Variants in PRAMEF12 observed in about 807,000 individuals in gnomAD.
The protein encoded by PRAMEF12 is PRAME family member 12.
Under a neutral mutation model 24.6 loss-of-function variants are expected in PRAMEF12, and 24 were observed. That is an observed-to-expected ratio of 0.98 (90% CI 0.71 to 1.37). The LOEUF is 1.37. PRAMEF12 is among the 40% of genes most tolerant of loss of function. PRAMEF12 has a pLI of 0.00. For synonymous variants in PRAMEF12, 286 were observed against 242.6 expected, an observed-to-expected ratio of 1.18 and a Z score of -1.66; for missense variants, 646 against 580.3, an observed-to-expected ratio of 1.11 and a Z score of -1.16.
In PRAMEF12 at chr1:12,774,219, A is replaced by G. The variant is rs1405571974; in HGVS notation, c.-649A>G. ...AAAGATATTCCATAGGCCATTCTCA[A>G]GAGTGGAGTCTTTGTTCTGAACATG... is the stretch of plus-strand genomic sequence containing the variant. On this transcript the variant is annotated 5_prime_UTR_variant, in exon 1 of 3. Transcript: ENST00000357726. Among the ~76,000 whole-genome samples, 1 of 152,128 alleles carries G rather than the reference A, an allele frequency of 6.6e-6. No individual in the cohort carries two copies. Among genetic ancestry groups the G allele is most frequent in the Non-Finnish European group, 1.5e-5 (1 of 68,032 alleles).
rs1402352855 is a variant in PRAMEF12 at position 12,774,431 on chromosome 1, T to A, written c.-437T>A. On this transcript the variant is annotated 5_prime_UTR_variant, in exon 1 of 3. Transcript: ENST00000357726. ...TTTTCAAAATAAAAAATAATGGCGC[T>A]GATTCCAAGGAGTCCCTTTAGTCTT... is the stretch of plus-strand genomic sequence containing the variant. Among the ~76,000 whole-genome samples the A allele has an allele frequency of 6.6e-6, 1 of 152,242 alleles. No individual in the cohort carries two copies. Among genetic ancestry groups the A allele is most frequent in the African/African-American group, 2.4e-5 (1 of 41,460 alleles).
At position 12,775,523 on chromosome 1, in the gene PRAMEF12, C is replaced by T; in HGVS notation, c.288-20C>T. The T allele has an allele frequency of 6.3e-7, 1 of 1,587,532 alleles. No homozygotes were observed. Among genetic ancestry groups the T allele is most frequent in the South Asian group, 1.1e-5 (1 of 87,874 alleles). On this transcript the variant is annotated intron_variant, in intron 1 of 2. Transcript: ENST00000357726. ...CAAATCCTTCCTAAATTTGGAGCCT[C>T]TCTTCTCTTTTACCCACAGGCGGTG...
rs1218096962 is a variant in PRAMEF12, at chr1:12,775,799, G to C, written c.544G>C (p.Glu182Gln). The change falls in exon 2 of 3, where the codon GAG (glutamate) becomes CAG (glutamine). Residue 182 changes from glutamate (E) to glutamine (Q), a missense_variant. Transcript: ENST00000357726. ...RKGLLHVCCK[E>Q]LQIFGIAIHR... is the part of the protein sequence containing the mutation. ...AGGCTTACTGCACGTGTGTTGCAAG[G>C]AGCTGCAGATTTTTGGAATAGCCAT... 1 of 1,613,912 alleles carries C rather than the reference G, an allele frequency of 6.2e-7. No homozygotes were observed. Among genetic ancestry groups the C allele is most frequent in the Non-Finnish European group, 8.5e-7 (1 of 1,180,014 alleles).
Position 12,774,844 on chromosome 1 carries a change from G to GT in PRAMEF12, c.-17dup, listed in dbSNP as rs557676803. ...TGATGTGATTTGCCGTAAGAATGAT[G>GT]TTTTTTTCTCTAGATTCATCAGGAT... On this transcript the variant is annotated 5_prime_UTR_variant, in exon 1 of 3. Coordinates refer to ENST00000357726, the MANE Select transcript of PRAMEF12 (RefSeq NM_001080830.5). The GT allele has an allele frequency of 4.4e-3, 6,877 of 1,561,376 alleles. 19 individuals are homozygous for GT. The highest frequency in any genetic ancestry group is 5.2e-3 in the Non-Finnish European group (6,017 of 1,156,170).
At chr1:12,776,162 C>A in intron 2 of PRAMEF12, 44 bp downstream of exon 2, 3 of 1,578,138 alleles carry the variant, frequency 1.9e-6, no homozygotes, top group Non-Finnish European at 1.7e-6. Context: ...GCAGCAAAGA[C>A]TTTCTTTATT....
intron 1 of PRAMEF12, 84 bp from the exon 2 acceptor site, chr1:12,775,459 G>A (rs1318160695): frequency 3.9e-6 from 5 of 1,280,340 alleles, no homozygotes; most frequent in Non-Finnish European, 5.5e-6. Context: ...GAAGCAGCAG[G>A]GAGGAGAGTC....
At chr1:12,776,853 G>T (rs997774588) in intron 2 of PRAMEF12, among the ~76,000 whole-genome samples, 158 bp from the exon 3 acceptor site, 4 of 152,150 alleles carry the variant, frequency 2.6e-5, no homozygotes, top group African/African-American at 9.7e-5. Flanking sequence ...ACTGAGCCTC[G>T]ATTGGGTCTG....
Position 12,777,479 on chromosome 1 carries a change from G to T in PRAMEF12, c.1332G>T (p.Arg444Ser). ...AELMKTLRDL[R>S]QPKIIVFSTV... ...TGATGAAGACACTGAGGGACTTAAGGCAGCCCAAGATAATTGTGTTCAGCA... is the reference window on the plus strand; with the variant it reads ...TGATGAAGACACTGAGGGACTTAAGTCAGCCCAAGATAATTGTGTTCAGCA... The change falls in exon 3 of 3, where the codon AGG (arginine) becomes AGT (serine). Residue 444 changes from arginine (R) to serine (S), a missense_variant. Physicochemically the swap from Arg to Ser is moderately radical, Grantham distance 110. Transcript: ENST00000357726. 6.2e-7 allele frequency: 1 copy of T among 1,614,116 alleles called. No individual in the cohort carries two copies. Among genetic ancestry groups the T allele is most frequent in the Non-Finnish European group, 8.5e-7 (1 of 1,180,022 alleles).
rs537833646 is a variant in PRAMEF12 at position 12,774,804 on chromosome 1, T to A, written c.-64T>A. The stretch of plus-strand genomic sequence containing the variant: ...TCTACCAGAGCAATGACATTGGCAC[T>A]AGGAGATGATGAAGTGATGTGATTT... On this transcript the variant is annotated 5_prime_UTR_variant, in exon 1 of 3. Coordinates refer to ENST00000357726, the MANE Select transcript of PRAMEF12 (RefSeq NM_001080830.5). 1.4e-6 allele frequency: 2 copies of A among 1,469,764 alleles called. No homozygotes were observed. The highest frequency in any genetic ancestry group is 4.6e-5 in the East Asian group (2 of 43,898). 91.0% of individuals were successfully genotyped at this position (1,469,764 alleles called of 1,614,324 possible). A position where few individuals can be genotyped will look rare whatever the true frequency, so the allele number is the denominator to read the frequency against.
Position 12,775,930 on chromosome 1 carries a change from C to G in PRAMEF12, c.675C>G (p.Tyr225Ter). The G allele has an allele frequency of 1.2e-6, 2 of 1,614,110 alleles. No homozygotes were observed. The highest frequency in any genetic ancestry group is 1.7e-6 in the Non-Finnish European group (2 of 1,180,024). Residue 225 changes from tyrosine to a stop codon, truncating the protein, a stop_gained, in exon 2 of 3, where the codon TAC (tyrosine) becomes TAG (stop). Coordinates refer to ENST00000357726, the MANE Select transcript of PRAMEF12 (RefSeq NM_001080830.5). LOFTEE classifies it high-confidence loss of function. ...ELSILIRFAP[Y>*]LGQMRNLRKL... is the part of the protein sequence containing the mutation. ...CCATTCTTATAAGGTTCGCCCCTTACCTGGGCCAGATGAGGAATCTCCGCA... is the reference window on the plus strand; with the variant it reads ...CCATTCTTATAAGGTTCGCCCCTTAGCTGGGCCAGATGAGGAATCTCCGCA...
intron 1 of PRAMEF12, 88 bp from the exon 2 acceptor site, chr1:12,775,455 G>A: frequency 8.0e-7 from 1 of 1,253,370 alleles, no homozygotes; most frequent in Non-Finnish European, 1.1e-6. Flanking sequence ...GGGAGAAGCA[G>A]CAGGGAGGAG....
In PRAMEF12 at chr1:12,775,949, C is replaced by A. The variant is rs1639045694; in HGVS notation, c.694C>A (p.Leu232Ile). 1 of 1,614,112 alleles carries A rather than the reference C, an allele frequency of 6.2e-7. No individual in the cohort carries two copies. The highest frequency in any genetic ancestry group is 8.5e-7 in the Non-Finnish European group (1 of 1,180,032). Residue 232 changes from leucine to isoleucine, a missense_variant, in exon 2 of 3, where the codon CTC (leucine) becomes ATC (isoleucine). Physicochemically the swap from Leu to Ile is conservative, Grantham distance 5. Coordinates refer to ENST00000357726, the MANE Select transcript of PRAMEF12 (RefSeq NM_001080830.5). ...FAPYLGQMRN[L>I]RKLVLFNIHV... ...CCCTTACCTGGGCCAGATGAGGAATCTCCGCAAACTTGTTCTCTTCAACAT... is the reference window on the plus strand; with the variant it reads ...CCCTTACCTGGGCCAGATGAGGAATATCCGCAAACTTGTTCTCTTCAACAT...
chr1:12,775,803 T>G lies in PRAMEF12; in HGVS notation c.548T>G (p.Leu183Arg). 4 of 1,613,922 alleles carry G rather than the reference T, an allele frequency of 2.5e-6. No individual in the cohort carries two copies. The highest frequency in any genetic ancestry group is 2.5e-6 in the Non-Finnish European group (3 of 1,180,004). Residue 183 changes from leucine to arginine, a missense_variant, in exon 2 of 3, where the codon CTG becomes CGG. Physicochemically the swap from Leu to Arg is moderately radical, Grantham distance 102 (BLOSUM62 -2). Coordinates refer to ENST00000357726, the MANE Select transcript of PRAMEF12 (RefSeq NM_001080830.5). Reference sequence around the variant, plus strand: ...TTACTGCACGTGTGTTGCAAGGAGCTGCAGATTTTTGGAATAGCCATCCAC... The same window carrying G: ...TTACTGCACGTGTGTTGCAAGGAGCGGCAGATTTTTGGAATAGCCATCCAC... ...KGLLHVCCKELQIFGIAIHRI... is the reference protein window; with the variant it reads ...KGLLHVCCKERQIFGIAIHRI...
rs763616251 is a variant in PRAMEF12 at position 12,777,536 on chromosome 1, C to T, written c.1389C>T (p.Ala463=). 26 of 1,613,990 alleles carry T rather than the reference C, an allele frequency of 1.6e-5. No homozygotes were observed. Among genetic ancestry groups the T allele is most frequent in the Non-Finnish European group, 2.1e-5 (25 of 1,180,034 alleles). The part of the protein sequence containing the change: ...TVPCPRCGIR[A]SYDLEPSHCL... ...CCTGCCCTCGCTGTGGCATCAGGGC[C>T]TCCTATGACCTGGAGCCCAGTCACT... is the stretch of plus-strand genomic sequence containing the variant. Residue 463 remains alanine, a synonymous_variant, in exon 3 of 3, where the codon GCC becomes GCT. Transcript: ENST00000357726.
Position 12,774,820 on chromosome 1 carries a change from G to A in PRAMEF12, c.-48G>A, listed in dbSNP as rs1639022759. The A allele has an allele frequency of 6.6e-7, 1 of 1,522,136 alleles. No homozygotes were observed. Among genetic ancestry groups the A allele is most frequent in the Non-Finnish European group, 8.9e-7 (1 of 1,129,832 alleles). 94.3% of individuals were successfully genotyped at this position (1,522,136 alleles called of 1,614,324 possible). A position where few individuals can be genotyped will look rare whatever the true frequency, so the allele number is the denominator to read the frequency against. On this transcript the variant is annotated 5_prime_UTR_variant, in exon 1 of 3. The change abolishes the stop of an existing upstream ORF in the 5' untranslated region. Coordinates refer to ENST00000357726, the MANE Select transcript of PRAMEF12 (RefSeq NM_001080830.5). ...CATTGGCACTAGGAGATGATGAAGTGATGTGATTTGCCGTAAGAATGATGT... is the reference window on the plus strand; with the variant it reads ...CATTGGCACTAGGAGATGATGAAGTAATGTGATTTGCCGTAAGAATGATGT...
chr1:12,776,249 T>C (rs1639050389), intron 2 of PRAMEF12, 131 bp downstream of exon 2: 1 of 934,410 alleles, frequency 1.1e-6, no homozygotes. Flanking sequence ...AGAATGTCCA[T>C]GCATTGTCCT....
rs760831420 is a variant in PRAMEF12, at chr1:12,775,705, CCTTT to C, written c.451_454del (p.Leu151AlafsTer15). On this transcript the variant is annotated frameshift_variant, in exon 2 of 3. Transcript: ENST00000357726. LOFTEE classifies it high-confidence loss of function. The stretch of plus-strand genomic sequence containing the variant: ...AGCAGCCCTTGATGGTGATCCTAGA[CCTTT>C]GCTTCAAGAATGGGACGCTGGATGA... 1 of 1,613,808 alleles carries C rather than the reference CCTTT, an allele frequency of 6.2e-7. No individual in the cohort carries two copies. The highest frequency in any genetic ancestry group is 8.5e-7 in the Non-Finnish European group (1 of 1,179,998).
rs752274411 is a variant in PRAMEF12 at position 12,774,876 on chromosome 1, C to G, written c.9C>G (p.Leu3=). 1 of 1,602,880 alleles carries G rather than the reference C, an allele frequency of 6.2e-7. No individual in the cohort carries two copies. Among genetic ancestry groups the G allele is most frequent in the Admixed American group, 1.7e-5 (1 of 57,986 alleles). Residue 3 remains leucine (L), a synonymous_variant, in exon 1 of 3, where the codon CTC becomes CTG. Transcript: ENST00000357726. ...TCTCTAGATTCATCAGGATGAGCCTCCAGGCCCCACCTAGACTCCTGGAGC... is the reference window on the plus strand; with the variant it reads ...TCTCTAGATTCATCAGGATGAGCCTGCAGGCCCCACCTAGACTCCTGGAGC... MS[L]QAPPRLLELA... is the part of the protein sequence containing the mutation.
Position 12,775,814 on chromosome 1 carries a change from G to T in PRAMEF12, c.559G>T (p.Gly187Ter). The T allele has an allele frequency of 6.2e-7, 1 of 1,613,934 alleles. No homozygotes were observed. Among genetic ancestry groups the T allele is most frequent in the Non-Finnish European group, 8.5e-7 (1 of 1,180,000 alleles). The change falls in exon 2 of 3, where the codon GGA becomes TGA. Residue 187 changes from glycine (G) to a stop codon, truncating the protein, a stop_gained. Transcript: ENST00000357726. LOFTEE classifies it high-confidence loss of function. Reference protein sequence around the residue: ...HVCCKELQIFGIAIHRIIEVL... With the variant: ...HVCCKELQIF ...GTGTTGCAAGGAGCTGCAGATTTTTGGAATAGCCATCCACAGGATCATAGA... is the reference window on the plus strand; with the variant it reads ...GTGTTGCAAGGAGCTGCAGATTTTTTGAATAGCCATCCACAGGATCATAGA...
Sources: gnomAD v4.1 joint callset for allele counts (sites outside exome capture counted in the v4.1 genomes callset) on GRCh38, gnomAD v4.1.1 for gene constraint, MANE v1.5 for transcripts, NCBI Gene and HGNC (gene_info 2026-07-23, HGNC 2026-07-21) for gene names.